The following SEL1L3 variants were observed in gnomAD, a reference collection of about 807,000 sequenced individuals.
SEL1L3 encodes the protein protein sel-1 homolog 3.
A neutral mutation model predicts 142.8 loss-of-function variants in SEL1L3; 76 were observed. That is an observed-to-expected ratio of 0.53 (90% confidence interval 0.44 to 0.64). The LOEUF is 0.64. Ranked by LOEUF, SEL1L3 falls within the 30% of genes least tolerant of loss-of-function variation. The probability of loss-of-function intolerance (pLI) is 0.00; values close to 1 mark genes in which losing one functional copy is unlikely to be tolerated. For missense variants in SEL1L3, 1,262 were observed against 1,381.7 expected, an observed-to-expected ratio of 0.91 and a Z score of 1.37; for synonymous variants, 504 against 519.6, an observed-to-expected ratio of 0.97 and a Z score of 0.41.
At chr4:25,834,967 T>C (rs74645352) in intron 3 of SEL1L3, among the ~76,000 whole-genome samples, 2 of 152,204 alleles carry the variant, frequency 1.3e-5, no homozygotes, top group African/African-American at 2.4e-5. Context: ...CTCGTTGTCA[T>C]GTAAGGAGGC....
chr4:25,857,429 T>C (rs1270053172), intron 1 of SEL1L3, among the ~76,000 whole-genome samples: 2 of 152,222 alleles, frequency 1.3e-5, no homozygotes, highest in Non-Finnish European at 2.9e-5. Flanking sequence ...TTTGCTCTTA[T>C]TTCATTGAGT....
chr4:25,740,432 C>CAAAA, the SEL1L3 span, among the ~76,000 whole-genome samples: 1 of 122,112 alleles, frequency 8.2e-6, no homozygotes. Context: ...GACTCCATCT[C>CAAAA]AAAAAAAAAA....
intron 11 of SEL1L3, among the ~76,000 whole-genome samples, chr4:25,792,437 ATC>A (rs1205571047): frequency 1.3e-5 from 2 of 152,198 alleles, no homozygotes; most frequent in African/African-American, 4.8e-5. Flanking sequence ...AGACCACTCT[ATC>A]TGGTCCACGC....
At chr4:25,771,523 G>A (rs1210086365) in intron 17 of SEL1L3, among the ~76,000 whole-genome samples, 2 of 152,014 alleles carry the variant, frequency 1.3e-5, no homozygotes, top group Non-Finnish European at 2.9e-5. Flanking sequence ...TATTTTGCAC[G>A]TGCTCTTTTC....
At chr4:25,863,151 C>T (rs1225704424), upstream of SEL1L3, among the ~76,000 whole-genome samples, 1 of 142,356 alleles carries the variant, frequency 7.0e-6, no homozygotes, top group Non-Finnish European at 1.6e-5. Context: ...CGGGCGCCCA[C>T]GCAGGTGGGC....
chr4:25,792,767 C>T (rs572771967), intron 11 of SEL1L3, among the ~76,000 whole-genome samples: 19 of 152,240 alleles, frequency 1.2e-4, no homozygotes, highest in Admixed American at 2.6e-4. Flanking sequence ...GATAAAGTAG[C>T]TGGCCCAAGG....
chr4:25,764,583 A>G (rs1193506892), intron 20 of SEL1L3, among the ~76,000 whole-genome samples: 1 of 152,212 alleles, frequency 6.6e-6, no homozygotes. Flanking sequence ...GCCCAACAGT[A>G]CAAGCAAAAC....
intron 1 of SEL1L3, among the ~76,000 whole-genome samples, chr4:25,850,886 T>C (rs1716847481): frequency 6.6e-6 from 1 of 151,974 alleles, no homozygotes; most frequent in African/African-American, 2.4e-5. Context: ...AGTCTCACTC[T>C]GTCATCCAGG....
upstream of SEL1L3, chr4:25,863,541 C>T (rs1717907148): frequency 2.8e-6 from 2 of 702,564 alleles, no homozygotes; most frequent in Non-Finnish European, 2.6e-6. Flanking sequence ...GAGTGTGCCC[C>T]CTGGAGTTGT....
At chr4:25,794,816 C>T (rs541853483) in intron 11 of SEL1L3, among the ~76,000 whole-genome samples, 1 of 152,102 alleles carries the variant, frequency 6.6e-6, no homozygotes, top group Non-Finnish European at 1.5e-5. Flanking sequence ...AAATGCCCAT[C>T]AGTGATAGAC....
chr4:25,750,234 C>CGAAAAAAAAA (rs1717501331), intron 23 of SEL1L3, among the ~76,000 whole-genome samples: 1 of 105,090 alleles, frequency 9.5e-6, no homozygotes, highest in Non-Finnish European at 1.9e-5. Context: ...GACTCCATCT[C>CGAAAAAAAAA]AAAAAAAAAA....
the SEL1L3 span, among the ~76,000 whole-genome samples, chr4:25,724,317 G>C: frequency 0.033 from 5,049 of 152,180 alleles, 284 homozygotes; most frequent in African/African-American, 0.11. Context: ...TACTTAGGGG[G>C]CTGAGGTGGA....
the SEL1L3 span, among the ~76,000 whole-genome samples, chr4:25,714,500 T>TTTTCTTTCTTTCTTTCTTTCTTTCTTTC: frequency 1.8e-5 from 2 of 109,008 alleles, no homozygotes; most frequent in Non-Finnish European, 3.5e-5. Flanking sequence ...CTTTCTTTCT[T>TTTTCTTTCTTTCTTTCTTTCTTTCTTTC]TTTCTTTCTT....
Position 25,748,308 on chromosome 4 carries a change from T to C in SEL1L3, c.*117A>G. The stretch of plus-strand genomic sequence containing the variant: ...AAAAAATGACACCAATTGCAAAATT[T>C]GCATCCAGTTGACAAGACATTTAAG... On this transcript the variant is annotated 3_prime_UTR_variant, in exon 24 of 24. Coordinates refer to ENST00000399878, the MANE Select transcript of SEL1L3 (RefSeq NM_015187.5). 9.0e-7 allele frequency: 1 copy of C among 1,113,836 alleles called. No individual in the cohort carries two copies. The allele number at this position is 1,113,836 out of a possible 1,614,324, so 69.0% of individuals were successfully genotyped here.
chr4:25,723,938 T>G, the SEL1L3 span, among the ~76,000 whole-genome samples: 2 of 152,170 alleles, frequency 1.3e-5, no homozygotes, highest in African/African-American at 4.8e-5. Flanking sequence ...AGCAGTGTAT[T>G]TAGTGTACTA....
intron 9 of SEL1L3, among the ~76,000 whole-genome samples, chr4:25,809,740 T>G (rs915434639): frequency 2.0e-5 from 3 of 152,208 alleles, no homozygotes; most frequent in African/African-American, 7.2e-5. Context: ...CTCTGTGTAT[T>G]TTTTTAAAAA....
chr4:25,776,544 G>T (rs1286100721), intron 16 of SEL1L3, 184 bp from the exon 17 acceptor site: 2 of 559,300 alleles, frequency 3.6e-6, no homozygotes, highest in Non-Finnish European at 6.4e-6. Flanking sequence ...TTCATTTAGT[G>T]CCCTTTCTTA....
intron 1 of SEL1L3, among the ~76,000 whole-genome samples, chr4:25,848,990 T>C (rs981760470): frequency 1.3e-5 from 2 of 151,990 alleles, no homozygotes. Flanking sequence ...AATACAAAAA[T>C]CAGTTGGGCA....
At position 25,784,309 on chromosome 4, in the gene SEL1L3, C is replaced by T. The variant is rs748097792; in HGVS notation, c.2218-19G>A. The T allele has an allele frequency of 2.3e-5, 37 of 1,603,454 alleles. No homozygotes were observed. The highest frequency in any genetic ancestry group is 2.9e-5 in the Non-Finnish European group (34 of 1,170,594). ...CTTGACCCTAAACATTGATAAACAG[C>T]GATGATTACAAAGAAAATACAACCA... On this transcript the variant is annotated intron_variant, in intron 13 of 23. Transcript: ENST00000399878.
Sources: gnomAD v4.1 joint callset for allele counts (sites outside exome capture counted in the v4.1 genomes callset) on GRCh38, gnomAD v4.1.1 for gene constraint, MANE v1.5 for transcripts, NCBI Gene and HGNC (gene_info 2026-07-23, HGNC 2026-07-21) for gene names.